FAM174B: variants seen among roughly 807,000 people sequenced by gnomAD.
FAM174B encodes membrane protein FAM174B.
Under a neutral mutation model 10.9 loss-of-function variants are expected in FAM174B, and 12 were observed. That is an observed-to-expected ratio of 1.10 (90% CI 0.71 to 1.79). The LOEUF (loss-of-function observed/expected upper bound fraction) is 1.79, where lower values mean the gene tolerates loss of function less well. FAM174B is among the 40% of genes most tolerant of loss of function. The pLI is 0.00. For synonymous variants in FAM174B, 132 were observed against 115.8 expected, an observed-to-expected ratio of 1.14 and a Z score of -0.90; for missense variants, 266 against 233.3, an observed-to-expected ratio of 1.14 and a Z score of -0.91.
chr15:92,651,346 G>A (rs2050965193), intron 1 of FAM174B, among the ~76,000 whole-genome samples: 1 of 152,090 alleles, frequency 6.6e-6, no homozygotes, highest in Non-Finnish European at 1.5e-5. Flanking sequence ...ATGCGGCCAG[G>A]AGCTGAGTAT....
At chr15:92,651,565 G>C (rs60134963) in intron 1 of FAM174B, among the ~76,000 whole-genome samples, 3,149 of 152,256 alleles carry the variant, frequency 0.021, 99 homozygotes, top group African/African-American at 0.07. Flanking sequence ...TTTGTGACCT[G>C]TTTCAGACTC....
rs1009362237 is a variant in FAM174B, at chr15:92,623,156, C to CA, written c.477-3698dup. On this transcript the variant is annotated intron_variant, in intron 2 of 2. Transcript: ENST00000327355. Reference sequence around the variant, plus strand: ...GGGCAACAAAAGCAAGACTCCATCTCAAAAAAAAAAAAGAAAAAAGTGGCC... The same window carrying CA: ...GGGCAACAAAAGCAAGACTCCATCTCAAAAAAAAAAAAAGAAAAAAGTGGCC... Among the ~76,000 whole-genome samples the CA allele has an allele frequency of 5.9e-3, 826 of 139,244 alleles. 3 individuals carry two copies. The highest frequency in any genetic ancestry group is 0.032 in the Middle Eastern group (9 of 278). 91.3% of individuals were successfully genotyped at this position (139,244 alleles called of 152,430 possible). A position where few individuals can be genotyped will look rare whatever the true frequency, so the allele number is the denominator to read the frequency against.
At chr15:92,647,308 C>T (rs753873401) in intron 1 of FAM174B, among the ~76,000 whole-genome samples, 1 of 152,208 alleles carries the variant, frequency 6.6e-6, no homozygotes, top group Non-Finnish European at 1.5e-5. Context: ...ACCATGCCTT[C>T]CCAGACCATT....
intron 2 of FAM174B, among the ~76,000 whole-genome samples, chr15:92,620,540 C>A (rs1156598908): frequency 1.3e-5 from 2 of 151,712 alleles, no homozygotes; most frequent in African/African-American, 4.8e-5. Context: ...TGTGGCCAGG[C>A]TTGGTGGCTT....
chr15:92,619,789 C>T (rs1307948392), intron 2 of FAM174B: 2 of 404,680 alleles, frequency 4.9e-6, no homozygotes, highest in Non-Finnish European at 8.9e-6. Flanking sequence ...TGTGACAGTC[C>T]AGAGAGGAAA....
chr15:92,632,769 G>T (rs533042423), intron 1 of FAM174B, among the ~76,000 whole-genome samples: 1 of 151,436 alleles, frequency 6.6e-6, no homozygotes, highest in Admixed American at 6.6e-5. Flanking sequence ...CGATCCTCCC[G>T]CCTCAGCCTC....
In FAM174B at chr15:92,631,432, A is replaced by ATT. The variant is rs1491482804; in HGVS notation, c.345-1088_345-1087insAA. Among the ~76,000 whole-genome samples, 17 of 39,208 alleles carry ATT rather than the reference A, an allele frequency of 4.3e-4. 2 individuals carry two copies. Among genetic ancestry groups the ATT allele is most frequent in the Non-Finnish European group, 5.7e-4 (13 of 22,810 alleles). 25.7% of individuals were successfully genotyped at this position (39,208 alleles called of 152,430 possible). ...ATATATAATATATAATATATAATAT[A>ATT]ATATATTATATATATAACATAATAT... On this transcript the variant is annotated intron_variant, in intron 1 of 2. Transcript: ENST00000327355.
chr15:92,643,222 C>T (rs935007226), intron 1 of FAM174B, among the ~76,000 whole-genome samples: 4 of 151,946 alleles, frequency 2.6e-5, no homozygotes, highest in Non-Finnish European at 4.4e-5. Context: ...CCCATCTTGG[C>T]CCCCAAAGTG....
chr15:92,627,639 T>C (rs574227711), intron 2 of FAM174B, among the ~76,000 whole-genome samples: 2 of 152,322 alleles, frequency 1.3e-5, no homozygotes, highest in South Asian at 2.1e-4. Context: ...ACCACAAAAA[T>C]AGTTCTGTCT....
chr15:92,640,215 T>A (rs879799074), intron 1 of FAM174B, among the ~76,000 whole-genome samples: 2 of 152,074 alleles, frequency 1.3e-5, no homozygotes, highest in Admixed American at 6.6e-5. Context: ...TCCATTTTTT[T>A]AAAAAAGGAT....
intron 1 of FAM174B, among the ~76,000 whole-genome samples, chr15:92,639,591 G>A (rs976123956): frequency 2.0e-5 from 3 of 152,200 alleles, no homozygotes; most frequent in Non-Finnish European, 4.4e-5. Flanking sequence ...ATCTCATGTT[G>A]AACTGTAATC....
intron 1 of FAM174B, among the ~76,000 whole-genome samples, chr15:92,631,383 ATATATTATATATTATATTATATTAT>A (rs2050812675): frequency 6.2e-5 from 2 of 32,094 alleles, no homozygotes; most frequent in African/African-American, 3.7e-4. Flanking sequence ...ATAATATATT[ATATATTATATATTATATTATATTAT>A]ATATAATATA....
In FAM174B at chr15:92,650,337, G is replaced by A. The variant is rs180945906; in HGVS notation, c.344+4979C>T. Among the ~76,000 whole-genome samples the A allele has an allele frequency of 9.2e-5, 14 of 152,242 alleles. No homozygotes were observed. In the East Asian group the frequency reaches 2.7e-3, roughly 29 times the overall value. On this transcript the variant is annotated intron_variant, in intron 1 of 2. Transcript: ENST00000327355. ...TGTGCACCTTTCCCACTGACAGCTG[G>A]GCAATGTCAGACCGCTTAGAATTCA...
intron 1 of FAM174B, among the ~76,000 whole-genome samples, chr15:92,647,748 A>G (rs542382091): frequency 1.3e-5 from 2 of 152,328 alleles, no homozygotes; most frequent in South Asian, 4.1e-4. Context: ...ATGGTTTGAA[A>G]TGGCCCTGCA....
chr15:92,632,210 A>G (rs903743367), intron 1 of FAM174B, among the ~76,000 whole-genome samples: 1 of 152,206 alleles, frequency 6.6e-6, no homozygotes, highest in Non-Finnish European at 1.5e-5. Flanking sequence ...ACAACACTAC[A>G]GTGTTCTGGT....
At chr15:92,620,080 G>C (rs1053490339) in intron 2 of FAM174B, 1 of 153,502 alleles carries the variant, frequency 6.5e-6, no homozygotes, top group South Asian at 2.1e-4. Context: ...GCCATAGTTT[G>C]CTGACTCCTG....
chr15:92,636,358 G>T (rs563216480), intron 1 of FAM174B, among the ~76,000 whole-genome samples: 2 of 152,226 alleles, frequency 1.3e-5, no homozygotes, highest in African/African-American at 4.8e-5. Context: ...CTTTTCCTGG[G>T]TGCCAGCTAA....
Position 92,633,760 on chromosome 15 carries a change from A to G in FAM174B, c.345-3415T>C, listed in dbSNP as rs1596298396. Among the ~76,000 whole-genome samples the G allele has an allele frequency of 2.0e-5, 3 of 152,164 alleles. No homozygotes were observed. The East Asian group carries it at 5.8e-4, about 29-fold the overall frequency. ...TGTGGGACTTAAATGCTACCTTTAT[A>G]AACAGTTGGATCCACATTCTCTCCC... On this transcript the variant is annotated intron_variant, in intron 1 of 2. Coordinates refer to ENST00000327355, the MANE Select transcript of FAM174B (RefSeq NM_207446.3).
intron 1 of FAM174B, among the ~76,000 whole-genome samples, chr15:92,640,010 C>T (rs1313365591): frequency 6.6e-6 from 1 of 151,790 alleles, no homozygotes; most frequent in Non-Finnish European, 1.5e-5. Context: ...AGAAATACAC[C>T]CAAATACACA....
Sources: allele counts gnomAD v4.1 joint callset (sites outside exome capture counted in the v4.1 genomes callset), GRCh38; gene constraint gnomAD v4.1.1; transcripts MANE v1.5; gene names NCBI Gene and HGNC (gene_info 2026-07-23, HGNC 2026-07-21).